The following INSL6 variants were observed in gnomAD, a reference collection of about 807,000 sequenced individuals.
INSL6 encodes insulin like 6.
Under a neutral mutation model 9.4 loss-of-function variants are expected in INSL6, and 16 were observed. The observed-to-expected ratio is 1.70, with a 90% confidence interval of 1.15 to 2.59. INSL6 has a LOEUF of 2.59. INSL6 is among the 30% of genes most tolerant of loss of function. The probability of loss-of-function intolerance (pLI) is 0.00; values close to 1 mark genes in which losing one functional copy is unlikely to be tolerated. For synonymous variants in INSL6, 154 were observed against 96.9 expected (o/e 1.59, Z -3.46); for missense variants, 391 against 257.3 (o/e 1.52, Z -3.56).
chr9:4,996,928 C>CTTTTTTTTTTTTTTTTTTT, the INSL6 span, among the ~76,000 whole-genome samples: 1 of 94,708 alleles, frequency 1.1e-5, no homozygotes, highest in East Asian at 3.3e-4. Flanking sequence ...TTAGTTTGTT[C>CTTTTTTTTTTTTTTTTTTT]TTTTTTTTTT....
the INSL6 span, chr9:5,080,671 T>C: frequency 1.9e-6 from 3 of 1,585,902 alleles, no homozygotes; most frequent in South Asian, 1.2e-5. Context: ...TCTTAACAGT[T>C]TGTTTACTCC....
At chr9:5,184,749 C>G (rs754132819) in intron 1 of INSL6, among the ~76,000 whole-genome samples, 3 of 152,160 alleles carry the variant, frequency 2.0e-5, no homozygotes, top group Admixed American at 6.5e-5. Flanking sequence ...GATAGGAGAA[C>G]GGACCAGGCC....
At chr9:4,995,637 T>G in the INSL6 span, among the ~76,000 whole-genome samples, 5 of 152,352 alleles carry the variant, frequency 3.3e-5, no homozygotes, top group South Asian at 1.0e-3. Flanking sequence ...TCTTGGGTAG[T>G]GAACATTTCT....
At chr9:5,132,546 T>A (rs554504424) in intron 3 of INSL6, among the ~76,000 whole-genome samples, 48 of 143,968 alleles carry the variant, frequency 3.3e-4, no homozygotes, top group African/African-American at 1.4e-3. Flanking sequence ...ACATTTTTTC[T>A]TTTTCTTAAA....
At chr9:5,004,864 C>T in the INSL6 span, among the ~76,000 whole-genome samples, 2 of 150,754 alleles carry the variant, frequency 1.3e-5, no homozygotes, top group Non-Finnish European at 3.0e-5. Context: ...TTTTAATTTG[C>T]ATTTAGTGAT....
chr9:5,030,291 T>G, the INSL6 span, among the ~76,000 whole-genome samples: 1 of 152,310 alleles, frequency 6.6e-6, no homozygotes, highest in East Asian at 1.9e-4. Flanking sequence ...TTTTAAAAAG[T>G]TGACGTGAAG....
chr9:5,149,364 A>T lies in INSL6; in HGVS notation c.376+14815T>A, dbSNP rs954248355. On this transcript the variant is annotated intron_variant, in intron 2 of 3. Coordinates refer to the INSL6 transcript ENST00000649639. Reference sequence around the variant, plus strand: ...AATTTTGTTGGTGTAGTCTCTGTGTAAATGACTTTTCACAGCTGCATCTAC... The same window carrying T: ...AATTTTGTTGGTGTAGTCTCTGTGTTAATGACTTTTCACAGCTGCATCTAC... Among the ~76,000 whole-genome samples the T allele has an allele frequency of 4.6e-5, 7 of 152,154 alleles. No homozygotes were observed. In the South Asian group the frequency reaches 1.5e-3, roughly 32 times the overall value.
At chr9:5,029,112 A>G in the INSL6 span, among the ~76,000 whole-genome samples, 1 of 152,188 alleles carries the variant, frequency 6.6e-6, no homozygotes, top group African/African-American at 2.4e-5. Flanking sequence ...ATTTAAAGTG[A>G]GAGATATGAA....
At chr9:5,126,539 A>C (rs745916973) in intron 3 of INSL6, 7 of 982,524 alleles carry the variant, frequency 7.1e-6, no homozygotes, top group Middle Eastern at 4.2e-4. Flanking sequence ...TAATGTGCGG[A>C]GCTTCCAGAT....
the INSL6 span, chr9:5,081,705 A>G: frequency 1.2e-5 from 19 of 1,543,702 alleles, no homozygotes; most frequent in Non-Finnish European, 1.7e-5. Context: ...TTAAGGTGAT[A>G]ATATTCTTTA....
At chr9:5,054,067 G>C in the INSL6 span, among the ~76,000 whole-genome samples, 1 of 152,008 alleles carries the variant, frequency 6.6e-6, no homozygotes, top group African/African-American at 2.4e-5. This position sits in a 1 kb window ranked among gnomAD's most constrained non-coding sequence, Gnocchi z 4.9. Flanking sequence ...ATTAGGAGTT[G>C]AAGCTGGCCT....
At chr9:5,093,748 C>T in the INSL6 span, among the ~76,000 whole-genome samples, 1 of 152,094 alleles carries the variant, frequency 6.6e-6, no homozygotes, top group Non-Finnish European at 1.5e-5. Flanking sequence ...ACAGTGCAAT[C>T]CTATTCTATC....
At chr9:5,182,222 G>C (rs1421580986) in intron 1 of INSL6, among the ~76,000 whole-genome samples, 2 of 152,074 alleles carry the variant, frequency 1.3e-5, no homozygotes, top group Non-Finnish European at 2.9e-5. Context: ...TGAGTATTAT[G>C]CAGTAGTTAG....
At chr9:5,016,790 C>T in the INSL6 span, among the ~76,000 whole-genome samples, 2 of 152,110 alleles carry the variant, frequency 1.3e-5, no homozygotes, top group African/African-American at 2.4e-5. Flanking sequence ...ATTATCCTAA[C>T]TTTTTTTCAC....
At position 5,179,220 on chromosome 9, in the gene INSL6, T is replaced by C. The variant is rs999212861; in HGVS notation, c.289+6094A>G. Reference sequence around the variant, plus strand: ...GGCAAAAGACATGAACAGAGAGTTCTCAAAAGAAGACATATATGTGGCCAA... The same window carrying C: ...GGCAAAAGACATGAACAGAGAGTTCCCAAAAGAAGACATATATGTGGCCAA... On this transcript the variant is annotated intron_variant, in intron 1 of 1. Coordinates refer to ENST00000381641, the MANE Select transcript of INSL6 (RefSeq NM_007179.3). Among the ~76,000 whole-genome samples the C allele has an allele frequency of 6.6e-5, 10 of 152,214 alleles. No individual in the cohort carries two copies. In the East Asian group the frequency reaches 1.2e-3, roughly 18 times the overall value.
At chr9:5,057,627 G>C in the INSL6 span, among the ~76,000 whole-genome samples, 41 of 142,458 alleles carry the variant, frequency 2.9e-4, no homozygotes, top group African/African-American at 1.1e-3. Flanking sequence ...CTGTCATCCA[G>C]GCTGGAGCAC....
the INSL6 span, chr9:5,022,045 T>G: frequency 6.2e-7 from 1 of 1,614,162 alleles, no homozygotes; most frequent in East Asian, 2.2e-5. Context: ...CTCTTCTATA[T>G]ATCAGAATGG....
chr9:5,001,374 A>G, the INSL6 span, among the ~76,000 whole-genome samples: 8 of 152,078 alleles, frequency 5.3e-5, no homozygotes, highest in Non-Finnish European at 1.2e-4. Context: ...TTTCTAATTT[A>G]TTTCCAGAAA....
chr9:5,118,546 TG>T, the INSL6 span, among the ~76,000 whole-genome samples: 1 of 152,188 alleles, frequency 6.6e-6, no homozygotes, highest in African/African-American at 2.4e-5. Flanking sequence ...TATTGGTGAA[TG>T]GAACAATCCC....
Sources: gnomAD v4.1 joint callset for allele counts (sites outside exome capture counted in the v4.1 genomes callset) on GRCh38, gnomAD v4.1.1 for gene constraint, Gnocchi (gnomAD v3.1) non-coding constraint, MANE v1.5 for transcripts, NCBI Gene and HGNC (gene_info 2026-07-23, HGNC 2026-07-21) for gene names.